Variants in HHIPL2 observed in about 807,000 individuals in gnomAD.
The protein encoded by HHIPL2 is HHIP like 2.
A neutral mutation model predicts 61.0 loss-of-function variants in HHIPL2; 61 were observed. That is an observed-to-expected ratio of 1.00 (90% CI 0.81 to 1.24). The LOEUF (loss-of-function observed/expected upper bound fraction) is 1.24. Ranked by LOEUF, HHIPL2 falls within the 50% of genes most tolerant of loss-of-function variation. The pLI is 0.00. For synonymous variants in HHIPL2, 343 were observed against 357.4 expected, an observed-to-expected ratio of 0.96 and a Z score of 0.45; for missense variants, 885 against 910.2, an observed-to-expected ratio of 0.97 and a Z score of 0.36.
At chr1:222,538,315 G>T (rs1659349097) in intron 5 of HHIPL2, among the ~76,000 whole-genome samples, 2 of 150,806 alleles carry the variant, frequency 1.3e-5, no homozygotes, top group Admixed American at 1.3e-4. Context: ...CGGGGGACAG[G>T]CTGGAGACCC....
rs375102365 is a variant in HHIPL2, at chr1:222,522,696, C to T, written c.2080G>A (p.Val694Ile). 51 of 1,614,042 alleles carry T rather than the reference C, an allele frequency of 3.2e-5. No individual in the cohort carries two copies. The highest frequency in any genetic ancestry group is 1.6e-4 in the South Asian group (15 of 91,088). Reference protein sequence around the residue: ...TKKKARVGPHVRQGKRRKSLK... With the variant: ...TKKKARVGPHIRQGKRRKSLK... ...CTCTTCCTCCTCTTGCCCTGGCGGACGTGGGGCCCCACTCTGGCTTTCTTC... is the reference window on the plus strand; with the variant it reads ...CTCTTCCTCCTCTTGCCCTGGCGGATGTGGGGCCCCACTCTGGCTTTCTTC... Residue 694 changes from valine to isoleucine, a missense_variant, in exon 9 of 9, where the codon GTC becomes ATC. Transcript: ENST00000343410.
intron 7 of HHIPL2, 76 bp from the exon 8 acceptor site, chr1:222,523,770 G>T: frequency 7.2e-7 from 1 of 1,395,176 alleles, no homozygotes; most frequent in Non-Finnish European, 1.0e-6. Flanking sequence ...ACCAGAGGGC[G>T]TATATTTGCA....
chr1:222,535,054 A>G (rs1041868261), intron 5 of HHIPL2, among the ~76,000 whole-genome samples: 3 of 152,182 alleles, frequency 2.0e-5, no homozygotes, highest in African/African-American at 7.2e-5. Context: ...AACTAATGAT[A>G]AAGAGAAAAT....
chr1:222,532,122 A>C lies in HHIPL2; in HGVS notation c.1578-11T>G. ...AAAGCCATAAGTCGACTAGACAAAA[A>C]ATAAACCCTTATGTTTAGGAATCCA... On this transcript the variant is annotated splice_polypyrimidine_tract_variant and intron_variant, in intron 5 of 8. Transcript: ENST00000343410. The C allele has an allele frequency of 6.2e-7, 1 of 1,608,906 alleles. No homozygotes were observed. Among genetic ancestry groups the C allele is most frequent in the Non-Finnish European group, 8.5e-7 (1 of 1,177,678 alleles).
Position 222,522,787 on chromosome 1 carries a change from T to G in HHIPL2, c.1989A>C (p.Lys663Asn). Reference protein sequence around the residue: ...ASGPAQGLSEKGSSKKLASPT... With the variant: ...ASGPAQGLSENGSSKKLASPT... Reference sequence around the variant, plus strand: ...GAGAAGCCAGCTTCTTGGAGGAGCCTTTCTCAGACAAACCCTGGGCTGGGC... The same window carrying G: ...GAGAAGCCAGCTTCTTGGAGGAGCCGTTCTCAGACAAACCCTGGGCTGGGC... Residue 663 changes from lysine to asparagine, a missense_variant, in exon 9 of 9, where the codon AAA becomes AAC. By Grantham distance (94) the Lys-to-Asn change is moderately conservative. Transcript: ENST00000343410. The G allele has an allele frequency of 6.2e-7, 1 of 1,614,180 alleles. No individual in the cohort carries two copies. The highest frequency in any genetic ancestry group is 8.5e-7 in the Non-Finnish European group (1 of 1,180,040).
chr1:222,540,132 C>T lies in HHIPL2; in HGVS notation c.1328G>A (p.Gly443Glu). 6.2e-7 allele frequency: 1 copy of T among 1,614,268 alleles called. No homozygotes were observed. Among genetic ancestry groups the T allele is most frequent in the Non-Finnish European group, 8.5e-7 (1 of 1,180,050 alleles). The change falls in exon 4 of 9, where the codon GGG (glycine) becomes GAG (glutamate). Residue 443 changes from glycine (G) to glutamate (E), a missense_variant. Coordinates refer to ENST00000343410, the MANE Select transcript of HHIPL2 (RefSeq NM_024746.4). ...TTCAAACCTGTTCTGGCCCACGTCC[C>T]CACAGAATATCCGGCCTCGGCCCTG... The part of the protein sequence containing the change: ...TRQGRGRIFC[G>E]DVGQNRFEEV...
At chr1:222,526,471 C>T (rs968611091) in intron 7 of HHIPL2, among the ~76,000 whole-genome samples, 1 of 151,488 alleles carries the variant, frequency 6.6e-6, no homozygotes, top group Non-Finnish European at 1.5e-5. Flanking sequence ...TTTGGGAGAC[C>T]GAGGCAGGTG....
At chr1:222,543,007 C>T (rs535867850) in intron 2 of HHIPL2, among the ~76,000 whole-genome samples, 2 of 152,020 alleles carry the variant, frequency 1.3e-5, no homozygotes, top group African/African-American at 2.4e-5. Context: ...CTGTCTACCA[C>T]GGGAAAAGAA....
Position 222,543,605 on chromosome 1 carries a change from T to G in HHIPL2, c.906A>C (p.Glu302Asp), listed in dbSNP as rs1411629456. The G allele has an allele frequency of 6.2e-7, 1 of 1,614,198 alleles. No homozygotes were observed. Among genetic ancestry groups the G allele is most frequent in the South Asian group, 1.1e-5 (1 of 91,076 alleles). ...YYSCLDKKKV[E>D]KIRISEMKVS... is the part of the protein sequence containing the mutation. ...CCTTCATCTCACTAATTCGGATCTTTTCTACCTTCTTCTTGTCCAGGCACG... is the reference window on the plus strand; with the variant it reads ...CCTTCATCTCACTAATTCGGATCTTGTCTACCTTCTTCTTGTCCAGGCACG... Residue 302 changes from glutamate (E) to aspartate (D), a missense_variant, in exon 2 of 9, where the codon GAA becomes GAC. By Grantham distance (45) the Glu-to-Asp change is conservative. Transcript: ENST00000343410.
intron 4 of HHIPL2, among the ~76,000 whole-genome samples, chr1:222,539,769 T>G (rs1043681371): frequency 6.6e-6 from 1 of 152,100 alleles, no homozygotes; most frequent in Admixed American, 6.5e-5. Flanking sequence ...CCACCCAAAA[T>G]TCAAATTCAT....
At chr1:222,533,236 G>T (rs1015735729) in intron 5 of HHIPL2, among the ~76,000 whole-genome samples, 1 of 151,946 alleles carries the variant, frequency 6.6e-6, no homozygotes, top group African/African-American at 2.4e-5. Context: ...GTGGTGTTGT[G>T]TGCCTGTAGT....
chr1:222,540,714 T>A (rs1370732794), intron 3 of HHIPL2, among the ~76,000 whole-genome samples: 1 of 152,200 alleles, frequency 6.6e-6, no homozygotes, highest in African/African-American at 2.4e-5. Context: ...AAGCTAGTTA[T>A]ATTGTTTATT....
intron 5 of HHIPL2, among the ~76,000 whole-genome samples, chr1:222,536,595 C>G (rs935702361): frequency 6.6e-6 from 1 of 152,164 alleles, no homozygotes; most frequent in Non-Finnish European, 1.5e-5. Flanking sequence ...ACAAACTCTT[C>G]CAGATAATTG....
intron 7 of HHIPL2, among the ~76,000 whole-genome samples, chr1:222,526,403 C>G (rs887265796): frequency 6.8e-6 from 1 of 146,062 alleles, no homozygotes; most frequent in Non-Finnish European, 1.5e-5. Flanking sequence ...TTTCCAGAAG[C>G]ATATTAAAAA....
chr1:222,539,388 G>A, intron 4 of HHIPL2, among the ~76,000 whole-genome samples: 1 of 151,850 alleles, frequency 6.6e-6, no homozygotes, highest in Non-Finnish European at 1.5e-5. Context: ...AAATTAGGTA[G>A]GAGTGGTGGT....
chr1:222,544,023 C>G lies in HHIPL2; in HGVS notation c.488G>C (p.Arg163Thr). 1 of 1,614,190 alleles carries G rather than the reference C, an allele frequency of 6.2e-7. No homozygotes were observed. Among genetic ancestry groups the G allele is most frequent in the Non-Finnish European group, 8.5e-7 (1 of 1,180,032 alleles). The change falls in exon 2 of 9, where the codon AGG (arginine) becomes ACG (threonine). Residue 163 changes from arginine to threonine, a missense_variant. Arg to Thr is a moderately conservative substitution (Grantham distance 71, BLOSUM62 -1). Coordinates refer to ENST00000343410, the MANE Select transcript of HHIPL2 (RefSeq NM_024746.4). ...NDRGLQESHGRDGTRFCHLLD... is the reference protein window; with the variant it reads ...NDRGLQESHGTDGTRFCHLLD... Reference sequence around the variant, plus strand: ...GAGGTGGCAGAAGCGGGTACCGTCCCTTCCATGAGACTCCTGGAGGCCGCG... The same window carrying G: ...GAGGTGGCAGAAGCGGGTACCGTCCGTTCCATGAGACTCCTGGAGGCCGCG...
At chr1:222,527,994 A>G (rs889777370) in intron 6 of HHIPL2, among the ~76,000 whole-genome samples, 3 of 152,174 alleles carry the variant, frequency 2.0e-5, no homozygotes, top group Admixed American at 6.5e-5. Context: ...CAGCAGTGTG[A>G]AAACGGACTA....
In HHIPL2 at chr1:222,523,636, G is replaced by A. The variant is rs760894667; in HGVS notation, c.1864C>T (p.Arg622Trp). 69 of 1,613,956 alleles carry A rather than the reference G, an allele frequency of 4.3e-5. No homozygotes were observed. Among genetic ancestry groups the A allele is most frequent in the Middle Eastern group, 3.3e-4 (2 of 6,084 alleles). The change falls in exon 8 of 9, where the codon CGG becomes TGG. Residue 622 changes from arginine to tryptophan, a missense_variant. By Grantham distance (101) the Arg-to-Trp change is moderately radical. Coordinates refer to ENST00000343410, the MANE Select transcript of HHIPL2 (RefSeq NM_024746.4). ...CTGGCGAGTGGTCTGAACGGGATCCGCTTACTCTTGGTTCTCACGGGCACT... is the reference window on the plus strand; with the variant it reads ...CTGGCGAGTGGTCTGAACGGGATCCACTTACTCTTGGTTCTCACGGGCACT... ...KPVPVRTKSK[R>W]IPFRPLAKTV...
chr1:222,528,144 G>A (rs1368614319), intron 6 of HHIPL2, among the ~76,000 whole-genome samples: 3 of 152,176 alleles, frequency 2.0e-5, no homozygotes, highest in East Asian at 1.9e-4. Flanking sequence ...ATGGGGTCAT[G>A]AGCCCCAGTG....
Sources: gnomAD v4.1 joint callset for allele counts (sites outside exome capture counted in the v4.1 genomes callset) on GRCh38, gnomAD v4.1.1 for gene constraint, MANE v1.5 for transcripts, NCBI Gene and HGNC (gene_info 2026-07-23, HGNC 2026-07-21) for gene names.